The following RASA3 variants were observed in gnomAD, a reference collection of about 807,000 sequenced individuals.
RASA3 encodes ras GTPase-activating protein 3.
A neutral mutation model predicts 110.0 loss-of-function variants in RASA3; 73 were observed. The ratio of observed to expected loss-of-function variants is 0.66; its 90% confidence interval spans 0.55 to 0.81. The LOEUF (loss-of-function observed/expected upper bound fraction) is 0.81, where lower values mean the gene tolerates loss of function less well. Among genes scored for constraint, RASA3 ranks in the 30% least tolerant of loss-of-function variants. The probability of loss-of-function intolerance (pLI) is 0.00; values close to 1 mark genes in which losing one functional copy is unlikely to be tolerated. For missense variants in RASA3, 976 were observed against 1,113.2 expected, an observed-to-expected ratio of 0.88 and a Z score of 1.75; for synonymous variants, 500 against 451.4, an observed-to-expected ratio of 1.11 and a Z score of -1.37.
chr13:114,073,260 C>T (rs111911846), intron 2 of RASA3, among the ~76,000 whole-genome samples: 5 of 125,414 alleles, frequency 4.0e-5, no homozygotes, highest in South Asian at 2.7e-4. Context: ...CGCGGGAAAA[C>T]GGGACGGTGA....
chr13:114,091,140 C>A (rs925345054), intron 1 of RASA3, among the ~76,000 whole-genome samples: 2 of 152,076 alleles, frequency 1.3e-5, no homozygotes, highest in Admixed American at 1.3e-4. Flanking sequence ...ATAACAGTCC[C>A]ATTGCTATTT....
intron 1 of RASA3, among the ~76,000 whole-genome samples, chr13:114,077,057 G>A (rs1389454501): frequency 6.6e-6 from 1 of 152,190 alleles, no homozygotes; most frequent in Admixed American, 6.5e-5. Context: ...CTTAAAAGGA[G>A]AGAGAAAAAA....
At chr13:114,003,433 T>C (rs943573501) in intron 18 of RASA3, among the ~76,000 whole-genome samples, 1 of 152,236 alleles carries the variant, frequency 6.6e-6, no homozygotes, top group Non-Finnish European at 1.5e-5. Context: ...GATTACAGGA[T>C]GAATATCTGT....
rs1343326806 is a variant in RASA3, at chr13:114,048,613, C to T, written c.277+3439G>A. Among the ~76,000 whole-genome samples the T allele has an allele frequency of 1.3e-5, 2 of 152,200 alleles. No individual in the cohort carries two copies. The highest frequency in any genetic ancestry group is 2.9e-5 in the Non-Finnish European group (2 of 68,016). On this transcript the variant is annotated intron_variant, in intron 3 of 23. Coordinates refer to ENST00000334062, the MANE Select transcript of RASA3 (RefSeq NM_007368.4). The surrounding 1 kb of genome is among the most constrained non-coding windows in gnomAD (Gnocchi z 4.3). ...GGTCTGTGCTCTGTGAGGGCAGCGC[C>T]CGGCAGCCGAGTCCAGGCAGAGGCC...
intron 1 of RASA3, among the ~76,000 whole-genome samples, chr13:114,130,100 G>A (rs376474913): frequency 6.6e-6 from 1 of 152,198 alleles, no homozygotes; most frequent in Non-Finnish European, 1.5e-5. Flanking sequence ...GGGGTATCAG[G>A]CCAGCAGCAC....
chr13:114,039,882 G>A (rs376669604), intron 4 of RASA3, among the ~76,000 whole-genome samples: 1 of 152,188 alleles, frequency 6.6e-6, no homozygotes, highest in Non-Finnish European at 1.5e-5. Flanking sequence ...ACACAGTCCC[G>A]GCAAGCCAGG....
intron 1 of RASA3, among the ~76,000 whole-genome samples, chr13:114,131,856 C>G (rs2080524856): frequency 6.6e-6 from 1 of 152,160 alleles, no homozygotes; most frequent in Non-Finnish European, 1.5e-5. Flanking sequence ...CACACATGGA[C>G]ACACAAACAC....
rs2054381647 is a variant in RASA3, at chr13:114,040,644, ATGG to A, written c.372+353_372+355del. Among the ~76,000 whole-genome samples, 55 of 128,140 alleles carry A rather than the reference ATGG, an allele frequency of 4.3e-4. 7 individuals are homozygous for A. The highest frequency in any genetic ancestry group is 1.6e-3 in the East Asian group (6 of 3,724). 84.1% of individuals were successfully genotyped at this position (128,140 alleles called of 152,430 possible). ...GGCGAACACGCACAACCCAAAATCC[ATGG>A]CAGAGCCTGCGCTCACTCCGAGCAC... is the stretch of plus-strand genomic sequence containing the variant. On this transcript the variant is annotated intron_variant, in intron 4 of 23. Transcript: ENST00000334062.
chr13:113,981,734 C>T lies in RASA3; in HGVS notation c.2370G>A (p.Leu790=), dbSNP rs2052940222. Residue 790 remains leucine (L), a synonymous_variant, in exon 23 of 24, where the codon TTG becomes TTA. Transcript: ENST00000334062. ...LKQVIAGVGA[L]EQEHAQYKRD... ...TCTTATACTGGGCGTGCTCCTGCTC[C>T]AAAGCCCCAACCCCAGCGATGACTT... 1.2e-6 allele frequency: 2 copies of T among 1,614,124 alleles called. No homozygotes were observed. Among genetic ancestry groups the T allele is most frequent in the Non-Finnish European group, 1.7e-6 (2 of 1,180,002 alleles).
chr13:114,129,108 G>A (rs141497708), intron 1 of RASA3, among the ~76,000 whole-genome samples: 13 of 152,364 alleles, frequency 8.5e-5, no homozygotes, highest in African/African-American at 1.4e-4. Flanking sequence ...AAACAACGCC[G>A]TGGCCGTGGC....
intron 1 of RASA3, among the ~76,000 whole-genome samples, chr13:114,079,988 C>T (rs1050325820): frequency 6.6e-6 from 1 of 152,234 alleles, no homozygotes; most frequent in African/African-American, 2.4e-5. Flanking sequence ...CGACCCCTGG[C>T]AACACAAGTG....
chr13:114,099,373 G>T (rs553417911), intron 1 of RASA3, among the ~76,000 whole-genome samples: 1 of 151,966 alleles, frequency 6.6e-6, no homozygotes, highest in Non-Finnish European at 1.5e-5. Context: ...ACACAGGGAC[G>T]GTACAGAAAT....
intron 1 of RASA3, among the ~76,000 whole-genome samples, chr13:114,102,640 C>T (rs548769500): frequency 8.5e-5 from 13 of 152,198 alleles, no homozygotes; most frequent in African/African-American, 9.6e-5. Context: ...GCCACATGGC[C>T]GGTGGCAGGG....
intron 22 of RASA3, among the ~76,000 whole-genome samples, chr13:113,991,830 G>A (rs566882884): frequency 4.3e-4 from 66 of 151,804 alleles, no homozygotes; most frequent in South Asian, 4.0e-3. Flanking sequence ...ATACTCACAC[G>A]TGCCCTCATG....
At chr13:114,034,771 G>A (rs542778789) in intron 4 of RASA3, among the ~76,000 whole-genome samples, 2 of 152,318 alleles carry the variant, frequency 1.3e-5, no homozygotes, top group East Asian at 1.9e-4. Context: ...AAAATGTTCC[G>A]GAATAAACAG....
intron 1 of RASA3, among the ~76,000 whole-genome samples, chr13:114,129,192 T>C (rs1298043723): frequency 6.6e-6 from 1 of 152,166 alleles, no homozygotes; most frequent in African/African-American, 2.4e-5. Context: ...AGCGATCGCA[T>C]AGGAAGTGTG....
At chr13:114,069,231 A>G (rs911028793) in intron 2 of RASA3, among the ~76,000 whole-genome samples, 9 of 151,968 alleles carry the variant, frequency 5.9e-5, no homozygotes, top group Non-Finnish European at 1.3e-4. Context: ...CAGCAAATCA[A>G]ACTTGACCCA....
intron 3 of RASA3, among the ~76,000 whole-genome samples, chr13:114,045,830 A>G (rs1235775462): frequency 6.6e-6 from 1 of 152,102 alleles, no homozygotes; most frequent in East Asian, 1.9e-4. Flanking sequence ...ATCTTTAACC[A>G]CTCCACTAAA....
intron 1 of RASA3, among the ~76,000 whole-genome samples, chr13:114,078,952 C>A: frequency 6.6e-6 from 1 of 152,238 alleles, no homozygotes; most frequent in Non-Finnish European, 1.5e-5. Context: ...ACAGACCCCA[C>A]CCAGCACTGC....
Sources: gnomAD v4.1 joint callset for allele counts (sites outside exome capture counted in the v4.1 genomes callset) on GRCh38, gnomAD v4.1.1 for gene constraint, Gnocchi (gnomAD v3.1) non-coding constraint, MANE v1.5 for transcripts, NCBI Gene and HGNC (gene_info 2026-07-23, HGNC 2026-07-21) for gene names.